ATP8B4: variants seen among roughly 807,000 people sequenced by gnomAD.
ATP8B4 encodes probable phospholipid-transporting ATPase IM.
A neutral mutation model predicts 145.6 loss-of-function variants in ATP8B4; 133 were observed. That is an observed-to-expected ratio of 0.91 (90% CI 0.79 to 1.05). The LOEUF (loss-of-function observed/expected upper bound fraction) is 1.05. ATP8B4 is among the 50% of genes least tolerant of loss of function. The pLI is 0.00. For synonymous variants in ATP8B4, 507 were observed against 492.9 expected, an observed-to-expected ratio of 1.03 and a Z score of -0.38; for missense variants, 1,458 against 1,425.2, an observed-to-expected ratio of 1.02 and a Z score of -0.37.
At chr15:49,934,549 A>T (rs1281870496) in intron 14 of ATP8B4, among the ~76,000 whole-genome samples, 2 of 152,090 alleles carry the variant, frequency 1.3e-5, no homozygotes. Flanking sequence ...TTGTGCAGCA[A>T]TATCTGACCT....
intron 1 of ATP8B4, among the ~76,000 whole-genome samples, chr15:50,115,118 T>C (rs2057125772): frequency 6.6e-6 from 1 of 152,088 alleles, no homozygotes; most frequent in South Asian, 2.1e-4. Context: ...ATGCCCTCTA[T>C]CTCCTCACTT....
chr15:50,041,449 C>T (rs578251430), intron 5 of ATP8B4, among the ~76,000 whole-genome samples: 1 of 152,324 alleles, frequency 6.6e-6, no homozygotes, highest in South Asian at 2.1e-4. Flanking sequence ...TGAGAAGTAG[C>T]ATTTGTTTCC....
At chr15:49,958,191 A>G (rs1263458439) in intron 14 of ATP8B4, among the ~76,000 whole-genome samples, 1 of 151,580 alleles carries the variant, frequency 6.6e-6, no homozygotes, top group African/African-American at 2.4e-5. Context: ...TTAGAAAAAT[A>G]AAGATAAAAT....
intron 25 of ATP8B4, among the ~76,000 whole-genome samples, chr15:49,873,072 T>G (rs1473489221): frequency 6.6e-6 from 1 of 152,228 alleles, no homozygotes; most frequent in African/African-American, 2.4e-5. Flanking sequence ...TTGAACAAGA[T>G]GTATTCATTA....
intron 3 of ATP8B4, among the ~76,000 whole-genome samples, chr15:50,073,777 C>T (rs1422021836): frequency 2.0e-5 from 3 of 152,124 alleles, no homozygotes; most frequent in Admixed American, 6.5e-5. Context: ...CACTAGCTAA[C>T]GTCACTACAT....
At chr15:50,126,216 T>A (rs1445732283) in intron 1 of ATP8B4, among the ~76,000 whole-genome samples, 1 of 145,470 alleles carries the variant, frequency 6.9e-6, no homozygotes, top group Non-Finnish European at 1.5e-5. Flanking sequence ...GAGGGTCTTG[T>A]TAGTTCCTAA....
intron 1 of ATP8B4, among the ~76,000 whole-genome samples, chr15:50,158,278 C>A (rs1340637693): frequency 1.3e-5 from 2 of 152,188 alleles, no homozygotes; most frequent in African/African-American, 4.8e-5. Context: ...AGGAGCGCCT[C>A]TTCCCGGCCG....
At chr15:50,046,183 G>A (rs1009951903) in intron 4 of ATP8B4, among the ~76,000 whole-genome samples, 3 of 152,206 alleles carry the variant, frequency 2.0e-5, no homozygotes, top group South Asian at 2.1e-4. Context: ...TAGGAATGAA[G>A]ATACAGCTCC....
intron 23 of ATP8B4, among the ~76,000 whole-genome samples, chr15:49,889,509 A>G (rs1403722413): frequency 6.6e-6 from 1 of 152,250 alleles, no homozygotes; most frequent in Non-Finnish European, 1.5e-5. Flanking sequence ...AGGAAAGTCC[A>G]TAAACCAACG....
chr15:49,993,772 A>G (rs1251508351), intron 9 of ATP8B4, among the ~76,000 whole-genome samples: 1 of 152,168 alleles, frequency 6.6e-6, no homozygotes, highest in Non-Finnish European at 1.5e-5. Context: ...AAAGTAACTT[A>G]ACAGAAACCT....
intron 1 of ATP8B4, among the ~76,000 whole-genome samples, chr15:50,177,262 G>A (rs2044777783): frequency 6.6e-6 from 1 of 152,152 alleles, no homozygotes; most frequent in South Asian, 2.1e-4. Context: ...ATTAACACAA[G>A]TCACTGTGAG....
At chr15:50,131,306 C>T (rs1360596055) in intron 1 of ATP8B4, among the ~76,000 whole-genome samples, 1 of 152,122 alleles carries the variant, frequency 6.6e-6, no homozygotes, top group Non-Finnish European at 1.5e-5. Flanking sequence ...GTTCTAAGTG[C>T]TTCATATATA....
intron 2 of ATP8B4, among the ~76,000 whole-genome samples, chr15:50,089,672 TC>T (rs1480763556): frequency 1.3e-5 from 2 of 152,022 alleles, no homozygotes; most frequent in Non-Finnish European, 2.9e-5. Flanking sequence ...TTTCTTTCTT[TC>T]TTTTTTTTGA....
intron 6 of ATP8B4, among the ~76,000 whole-genome samples, chr15:50,012,622 A>G (rs1465541377): frequency 6.6e-6 from 1 of 152,186 alleles, no homozygotes. Flanking sequence ...AAGTAAGACC[A>G]TGAGAGGAAA....
intron 6 of ATP8B4, chr15:50,019,051 A>G (rs2049323847): frequency 1.4e-6 from 1 of 726,734 alleles, no homozygotes; most frequent in East Asian, 6.7e-5. Context: ...TCATTTAAAC[A>G]AAAACCAGGA....
At chr15:50,095,180 G>A (rs1028342186) in intron 2 of ATP8B4, among the ~76,000 whole-genome samples, 3 of 152,082 alleles carry the variant, frequency 2.0e-5, no homozygotes, top group Non-Finnish European at 4.4e-5. Context: ...CCCTGGTGAA[G>A]CTCATATTAT....
At chr15:49,955,692 T>TA (rs2043499962) in intron 14 of ATP8B4, among the ~76,000 whole-genome samples, 1 of 152,108 alleles carries the variant, frequency 6.6e-6, no homozygotes, top group African/African-American at 2.4e-5. Flanking sequence ...TATTCAGCCA[T>TA]AAAAAAGGAG....
At chr15:50,075,333 G>A (rs1478198707) in intron 2 of ATP8B4, among the ~76,000 whole-genome samples, 1 of 152,180 alleles carries the variant, frequency 6.6e-6, no homozygotes, top group Non-Finnish European at 1.5e-5. Flanking sequence ...TTGCATGCCA[G>A]GCACCATGAA....
chr15:50,017,287 A>G (rs1286719513), intron 6 of ATP8B4, among the ~76,000 whole-genome samples: 1 of 152,220 alleles, frequency 6.6e-6, no homozygotes, highest in Non-Finnish European at 1.5e-5. Context: ...CTATCTAACT[A>G]TCCTAAGAAC....
Sources: gnomAD v4.1 joint callset for allele counts (sites outside exome capture counted in the v4.1 genomes callset) on GRCh38, gnomAD v4.1.1 for gene constraint, MANE v1.5 for transcripts, NCBI Gene and HGNC (gene_info 2026-07-23, HGNC 2026-07-21) for gene names.